The following EBF1 variants were observed in gnomAD, a reference collection of about 807,000 sequenced individuals.
EBF1 encodes EBF transcription factor 1.
EBF1 carries 10 observed loss-of-function variants against 68.4 expected under a neutral mutation model. The observed-to-expected ratio is 0.15, with a 90% CI of 0.09 to 0.25. EBF1 has a LOEUF of 0.25. EBF1 is among the 10% of genes least tolerant of loss of function. The probability of loss-of-function intolerance (pLI) is 1.00; values close to 1 mark genes in which losing one functional copy is unlikely to be tolerated. For synonymous variants in EBF1, 298 were observed against 299.8 expected, an observed-to-expected ratio of 0.99 and a Z score of 0.06; for missense variants, 509 against 794.4, an observed-to-expected ratio of 0.64 and a Z score of 4.32.
chr5:158,847,154 C>T (rs1484754413), intron 6 of EBF1, among the ~76,000 whole-genome samples: 1 of 152,176 alleles, frequency 6.6e-6, no homozygotes, highest in South Asian at 2.1e-4. Flanking sequence ...TGAACATGAT[C>T]AACCTGAAAA....
chr5:158,761,617 C>T (rs764128662), intron 10 of EBF1, among the ~76,000 whole-genome samples: 7 of 152,126 alleles, frequency 4.6e-5, no homozygotes, highest in Non-Finnish European at 8.8e-5. Context: ...CTTTTTAATG[C>T]TACCCAAAAT....
intron 11 of EBF1, among the ~76,000 whole-genome samples, chr5:158,720,927 G>A (rs1343104506): frequency 6.6e-6 from 1 of 152,198 alleles, no homozygotes; most frequent in Admixed American, 6.5e-5. Flanking sequence ...AGAAGATTCA[G>A]CTGAAGCTTA....
In EBF1 at chr5:158,861,640, T is replaced by C. The variant is rs1300795220; in HGVS notation, c.555-21530A>G. Among the ~76,000 whole-genome samples the C allele has an allele frequency of 3.3e-5, 5 of 152,236 alleles. No individual in the cohort carries two copies. In the East Asian group the frequency reaches 9.6e-4, roughly 29 times the overall value. On this transcript the variant is annotated intron_variant, in intron 6 of 15. Transcript: ENST00000313708. ...TTAGTCAAATGCTGCCTTCAATTAATGCTCCTCTGCTGCTTAATGAGATCC... is the reference window on the plus strand; with the variant it reads ...TTAGTCAAATGCTGCCTTCAATTAACGCTCCTCTGCTGCTTAATGAGATCC...
At chr5:158,724,615 C>T (rs1581342229) in intron 11 of EBF1, among the ~76,000 whole-genome samples, 1 of 152,324 alleles carries the variant, frequency 6.6e-6, no homozygotes, top group East Asian at 1.9e-4. Flanking sequence ...TGATAAATCA[C>T]TAAACATGAA....
intron 6 of EBF1, among the ~76,000 whole-genome samples, chr5:159,053,117 A>G (rs924266733): frequency 6.6e-6 from 1 of 152,208 alleles, no homozygotes; most frequent in South Asian, 2.1e-4. Flanking sequence ...GAGGCAGAAT[A>G]GTGTTATGAT....
rs192482882 is a variant in EBF1 at position 159,016,307 on chromosome 5, G to A, written c.554+57089C>T. ...CTGAAAAGCTGAAGAGAAGAACTTGGCCAGTGGCTTCCCATCTTTCCAAGT... is the reference window on the plus strand; with the variant it reads ...CTGAAAAGCTGAAGAGAAGAACTTGACCAGTGGCTTCCCATCTTTCCAAGT... On this transcript the variant is annotated intron_variant, in intron 6 of 15. Coordinates refer to ENST00000313708, the MANE Select transcript of EBF1 (RefSeq NM_024007.5). Among the ~76,000 whole-genome samples, 8 of 152,264 alleles carry A rather than the reference G, an allele frequency of 5.3e-5. No individual in the cohort carries two copies. The East Asian group carries it at 1.5e-3, about 29-fold the overall frequency.
chr5:158,891,495 A>C (rs1301865188), intron 6 of EBF1, among the ~76,000 whole-genome samples: 1 of 152,206 alleles, frequency 6.6e-6, no homozygotes, highest in Non-Finnish European at 1.5e-5. Flanking sequence ...TTGGATTCGA[A>C]GTAGACCCAG....
At chr5:159,096,907 C>T in intron 2 of EBF1, 67 bp downstream of exon 2, 1 of 1,574,874 alleles carries the variant, frequency 6.3e-7, no homozygotes, top group Non-Finnish European at 8.6e-7. Context: ...GGCGCGCTGC[C>T]CAAGGCTCCC....
At chr5:158,726,867 A>G (rs539427476) in intron 11 of EBF1, among the ~76,000 whole-genome samples, 7 of 152,352 alleles carry the variant, frequency 4.6e-5, no homozygotes, top group Admixed American at 4.6e-4. Context: ...GTGATGTCGT[A>G]GCAAGTCACT....
intron 6 of EBF1, among the ~76,000 whole-genome samples, chr5:159,048,911 T>G (rs140357454): frequency 1.5e-3 from 222 of 152,300 alleles, no homozygotes; most frequent in African/African-American, 5.1e-3. Context: ...GTGGAAGCAG[T>G]ACACAGTAAG....
At chr5:158,819,077 A>C (rs1340906353) in intron 8 of EBF1, among the ~76,000 whole-genome samples, 1 of 152,196 alleles carries the variant, frequency 6.6e-6, no homozygotes, top group African/African-American at 2.4e-5. Context: ...CCAAAAGCCC[A>C]AAAAGGGGAG....
chr5:158,938,890 T>C (rs1350251238), intron 6 of EBF1, among the ~76,000 whole-genome samples: 1 of 152,246 alleles, frequency 6.6e-6, no homozygotes, highest in Non-Finnish European at 1.5e-5. Flanking sequence ...TCAAAGCTCT[T>C]CTTTTTTTAG....
At chr5:158,753,084 G>A (rs1167574400) in intron 10 of EBF1, among the ~76,000 whole-genome samples, 1 of 151,948 alleles carries the variant, frequency 6.6e-6, no homozygotes, top group East Asian at 1.9e-4. Flanking sequence ...CTTACAAAAT[G>A]GAAATCATGA....
At chr5:158,927,483 AC>A (rs1424626487) in intron 6 of EBF1, among the ~76,000 whole-genome samples, 1 of 152,176 alleles carries the variant, frequency 6.6e-6, no homozygotes, top group Admixed American at 6.5e-5. Flanking sequence ...TGCTATATAT[AC>A]CAGCAAGTAC....
chr5:159,073,388 G>C lies in EBF1; in HGVS notation c.554+8C>G. On this transcript the variant is annotated splice_region_variant and intron_variant, in intron 6 of 15. Coordinates refer to ENST00000313708, the MANE Select transcript of EBF1 (RefSeq NM_024007.5). ...ATAAGAATCCAGTGAAAGAAGAGTG[G>C]TCCCTACCTGTCAATTATCACTGGA... 6.2e-7 allele frequency: 1 copy of C among 1,613,794 alleles called. No individual in the cohort carries two copies. The highest frequency in any genetic ancestry group is 8.5e-7 in the Non-Finnish European group (1 of 1,179,694).
chr5:158,761,921 C>T (rs1428372358), intron 10 of EBF1, among the ~76,000 whole-genome samples: 2 of 152,108 alleles, frequency 1.3e-5, no homozygotes, highest in Non-Finnish European at 2.9e-5. Context: ...AATAGTTCTA[C>T]TTAAATCAAT....
intron 6 of EBF1, among the ~76,000 whole-genome samples, chr5:158,863,552 G>C (rs1028448424): frequency 1.3e-5 from 2 of 152,078 alleles, no homozygotes; most frequent in Admixed American, 6.5e-5. Flanking sequence ...AAATAATTGA[G>C]AATCCAAAAT....
At chr5:158,791,627 G>A (rs1279493347) in intron 9 of EBF1, among the ~76,000 whole-genome samples, 1 of 151,472 alleles carries the variant, frequency 6.6e-6, no homozygotes, top group Non-Finnish European at 1.5e-5. Flanking sequence ...TATAAATTCT[G>A]TGATAAAATA....
At chr5:159,096,521 G>T in intron 2 of EBF1, 115 bp from the exon 3 acceptor site, 4 of 1,141,660 alleles carry the variant, frequency 3.5e-6, no homozygotes, top group Non-Finnish European at 5.1e-6. Context: ...TGGCGAGCCA[G>T]GCAGCCACGG....
Sources: gnomAD v4.1 joint callset for allele counts (sites outside exome capture counted in the v4.1 genomes callset) on GRCh38, gnomAD v4.1.1 for gene constraint, MANE v1.5 for transcripts, NCBI Gene and HGNC (gene_info 2026-07-23, HGNC 2026-07-21) for gene names.